SPECC1: variants seen among roughly 807,000 people sequenced by gnomAD.
SPECC1 encodes the protein sperm antigen with calponin homology and coiled-coil domains 1, also known as cytospin-B.
A neutral mutation model predicts 104.1 loss-of-function variants in SPECC1; 62 were observed. That is an observed-to-expected ratio of 0.60 (90% confidence interval 0.49 to 0.74). The LOEUF is 0.74. Ranked by LOEUF, SPECC1 falls within the 30% of genes least tolerant of loss-of-function variation. The pLI, the probability that SPECC1 is intolerant of heterozygous loss-of-function variation, is 0.00. For missense variants in SPECC1, 1,306 were observed against 1,310.5 expected, an observed-to-expected ratio of 1.00 and a Z score of 0.05; for synonymous variants, 513 against 501.6, an observed-to-expected ratio of 1.02 and a Z score of -0.30.
chr17:20,102,441 A>C (rs1487810758), intron 2 of SPECC1, among the ~76,000 whole-genome samples: 1 of 152,196 alleles, frequency 6.6e-6, no homozygotes, highest in Non-Finnish European at 1.5e-5. Flanking sequence ...GTGGCACAGC[A>C]CTGGCCTGCA....
intron 4 of SPECC1, among the ~76,000 whole-genome samples, chr17:20,215,870 G>T (rs186257276): frequency 8.5e-4 from 130 of 152,240 alleles, no homozygotes; most frequent in Admixed American, 2.6e-3. Flanking sequence ...TTGGTTCTTA[G>T]ATATCTCTAG....
intron 3 of SPECC1, among the ~76,000 whole-genome samples, chr17:20,143,309 C>T (rs2031062299): frequency 6.6e-6 from 1 of 151,340 alleles, no homozygotes; most frequent in African/African-American, 2.4e-5. Context: ...TTGCTTGAGC[C>T]CAGGAAGTCG....
chr17:20,176,801 C>T (rs1365590911), intron 3 of SPECC1, among the ~76,000 whole-genome samples: 1 of 152,110 alleles, frequency 6.6e-6, no homozygotes, highest in Admixed American at 6.5e-5. Context: ...ATATTGAGCC[C>T]AGCAGAGAAT....
At position 20,256,941 on chromosome 17, in the gene SPECC1, C is replaced by G. The variant is rs552945632; in HGVS notation, c.2681-510C>G. On this transcript the variant is annotated intron_variant, in intron 10 of 14. Transcript: ENST00000395527. ...AGACTAATATGACAGCAGAAAGGAG[C>G]CTTGAAAGAGTGATTCCTACTTCTT... 2.6e-5 allele frequency among the ~76,000 whole-genome samples: 4 copies of G among 152,296 alleles called. No homozygotes were observed. The South Asian group carries it at 8.3e-4, about 32-fold the overall frequency.
chr17:20,113,898 A>G (rs982446675), intron 3 of SPECC1, among the ~76,000 whole-genome samples: 54 of 152,250 alleles, frequency 3.5e-4, no homozygotes, highest in African/African-American at 1.3e-3. Context: ...TAATTCAAAT[A>G]CCAAATAGTT....
chr17:20,129,448 A>G (rs1326333347), intron 3 of SPECC1, among the ~76,000 whole-genome samples: 1 of 152,060 alleles, frequency 6.6e-6, no homozygotes, highest in Non-Finnish European at 1.5e-5. Context: ...TCGGCCTCCC[A>G]AAGTGCTGGG....
In SPECC1 at chr17:20,227,511, T is replaced by A. The variant is rs1214589920; in HGVS notation, c.1962T>A (p.Ser654Arg). 2 of 1,613,032 alleles carry A rather than the reference T, an allele frequency of 1.2e-6. No homozygotes were observed. The highest frequency in any genetic ancestry group is 1.1e-5 in the South Asian group (1 of 90,992). ...AGCTGCAAGAAAAAGCATCAGAGAG[T>A]GATGCAGAGATCAAAGACATGAAAG... ...SLKLQEKASE[S>R]DAEIKDMKET... is the part of the protein sequence containing the mutation. Residue 654 changes from serine (S) to arginine (R), a missense_variant, in exon 5 of 15, where the codon AGT (serine) becomes AGA (arginine). Ser to Arg is a moderately radical substitution (Grantham distance 110, BLOSUM62 -1). Transcript: ENST00000395527.
chr17:20,048,393 A>T (rs547972419), intron 1 of SPECC1, among the ~76,000 whole-genome samples: 2 of 152,096 alleles, frequency 1.3e-5, no homozygotes, highest in South Asian at 2.1e-4. Context: ...TCGGCCTCCC[A>T]AAGTGCTGGG....
At chr17:20,026,474 C>G (rs900955080) in intron 1 of SPECC1, among the ~76,000 whole-genome samples, 9 of 152,144 alleles carry the variant, frequency 5.9e-5, no homozygotes, top group African/African-American at 2.2e-4. Flanking sequence ...CCAAGCCTCC[C>G]CTTCTAATTC....
intron 1 of SPECC1, among the ~76,000 whole-genome samples, chr17:20,051,055 T>G (rs553529599): frequency 5.1e-5 from 7 of 136,434 alleles, no homozygotes; most frequent in East Asian, 4.0e-4. Flanking sequence ...TGGTTCTTTC[T>G]TTCTTTCTTT....
intron 14 of SPECC1, among the ~76,000 whole-genome samples, chr17:20,313,480 C>T (rs1377856680): frequency 2.6e-5 from 4 of 152,210 alleles, no homozygotes; most frequent in African/African-American, 9.7e-5. Flanking sequence ...TTGTGGACAG[C>T]AGTTTCCCTG....
intron 13 of SPECC1, 74 bp downstream of exon 13, chr17:20,297,151 G>A: frequency 7.5e-7 from 1 of 1,333,508 alleles, no homozygotes. Flanking sequence ...CCCACTGTGG[G>A]AGGGGGCTTA....
chr17:20,225,471 G>A (rs1179106292), intron 4 of SPECC1, among the ~76,000 whole-genome samples: 2 of 152,220 alleles, frequency 1.3e-5, no homozygotes, highest in Non-Finnish European at 2.9e-5. Flanking sequence ...GGCTAGGGCT[G>A]GTCTAAATGC....
chr17:20,205,854 G>C lies in SPECC1; in HGVS notation c.1805G>C (p.Arg602Thr), dbSNP rs760676385. ...CTGGAACTGTCTTGCAATGAGCTCA[G>C]ACAAGAATTACTAAAGGCAAACGGT... ...DLLELSCNELRQELLKANGEI... is the reference protein window; with the variant it reads ...DLLELSCNELTQELLKANGEI... The change falls in exon 4 of 15, where the codon AGA becomes ACA. Residue 602 changes from arginine (R) to threonine (T), a missense_variant. Physicochemically the swap from Arg to Thr is moderately conservative, Grantham distance 71 (BLOSUM62 -1). This residue lies in a region of SPECC1 where 1,177 missense variants were observed against 1,139.9 expected (regional missense o/e 1.03). Transcript: ENST00000395527. 2.5e-6 allele frequency: 4 copies of C among 1,614,042 alleles called. No individual in the cohort carries two copies. The highest frequency in any genetic ancestry group is 3.4e-6 in the Non-Finnish European group (4 of 1,180,022).
intron 3 of SPECC1, among the ~76,000 whole-genome samples, chr17:20,130,128 T>C (rs1249927016): frequency 6.6e-6 from 1 of 152,242 alleles, no homozygotes; most frequent in African/African-American, 2.4e-5. Context: ...TACATTTAAG[T>C]GTGTTATTCA....
rs2042001658 is a variant in SPECC1, at chr17:20,314,120, G to T, written c.*55G>T. ...CCACCTACTGCAGCTTTTCCTGGAA[G>T]CGCCTGATTACTGTCCACTGACCCT... On this transcript the variant is annotated 3_prime_UTR_variant, in exon 15 of 15. Transcript: ENST00000395527. 2.0e-6 allele frequency: 3 copies of T among 1,489,438 alleles called. No homozygotes were observed. The highest frequency in any genetic ancestry group is 2.8e-6 in the Non-Finnish European group (3 of 1,077,390). 92.3% of individuals were successfully genotyped at this position (1,489,438 alleles called of 1,614,324 possible).
At chr17:20,244,714 T>A (rs1362502861) in intron 7 of SPECC1, among the ~76,000 whole-genome samples, 1 of 146,810 alleles carries the variant, frequency 6.8e-6, no homozygotes. Context: ...ATTTACTGAT[T>A]TATTTTAAAC....
chr17:20,139,737 C>T (rs1397752907), intron 3 of SPECC1, among the ~76,000 whole-genome samples: 1 of 152,170 alleles, frequency 6.6e-6, no homozygotes, highest in Non-Finnish European at 1.5e-5. Flanking sequence ...TGCAATTGCG[C>T]AATCTCGGCT....
chr17:20,200,318 G>C (rs766019553), intron 3 of SPECC1, among the ~76,000 whole-genome samples: 1 of 152,122 alleles, frequency 6.6e-6, no homozygotes, highest in Non-Finnish European at 1.5e-5. Flanking sequence ...TGATGTACTC[G>C]TGATTGACCA....
Sources: allele counts gnomAD v4.1 joint callset (sites outside exome capture counted in the v4.1 genomes callset), GRCh38; gene constraint gnomAD v4.1.1; regional missense constraint gnomAD v4.1.1; transcripts MANE v1.5; gene names NCBI Gene and HGNC (gene_info 2026-07-23, HGNC 2026-07-21).